ARPC1A: variants seen among roughly 807,000 people sequenced by gnomAD.
The protein encoded by ARPC1A is actin related protein 2/3 complex subunit 1A, also known as actin-related protein 2/3 complex subunit 1A.
In ARPC1A, 8 loss-of-function variants were observed where a neutral mutation model predicts 46.9. The observed-to-expected ratio is 0.17, with a 90% CI of 0.10 to 0.31. ARPC1A has a LOEUF of 0.31. Ranked by LOEUF, ARPC1A falls within the 10% of genes least tolerant of loss-of-function variation. The probability of loss-of-function intolerance (pLI) is 1.00; values close to 1 mark genes in which losing one functional copy is unlikely to be tolerated. For missense variants in ARPC1A, 286 were observed against 483.6 expected (o/e 0.59, Z 3.83); for synonymous variants, 152 against 169.0 (o/e 0.90, Z 0.78).
At chr7:99,362,890 G>A (rs1793769320) in intron 8 of ARPC1A, among the ~76,000 whole-genome samples, 3 of 152,010 alleles carry the variant, frequency 2.0e-5, no homozygotes, top group African/African-American at 7.2e-5. Flanking sequence ...TGGTGTGTCT[G>A]CTGCTAACAT....
At chr7:99,365,629 AAG>A (rs1554346307) in intron 9 of ARPC1A, among the ~76,000 whole-genome samples, 2 of 151,034 alleles carry the variant, frequency 1.3e-5, no homozygotes, top group African/African-American at 2.4e-5. Flanking sequence ...AAAAAAAAAA[AAG>A]AGGAGTGAGG....
intron 4 of ARPC1A, among the ~76,000 whole-genome samples, chr7:99,344,989 G>C (rs1433462729): frequency 7.8e-6 from 1 of 128,046 alleles, no homozygotes; most frequent in East Asian, 2.5e-4. Flanking sequence ...TGGATGGAGC[G>C]CAGTGACACG....
chr7:99,362,772 A>C (rs1793767860), intron 8 of ARPC1A, among the ~76,000 whole-genome samples: 1 of 152,108 alleles, frequency 6.6e-6, no homozygotes, highest in African/African-American at 2.4e-5. Context: ...AGGAGAAAGA[A>C]AAATATTGTC....
intron 3 of ARPC1A, among the ~76,000 whole-genome samples, chr7:99,339,519 C>T (rs958377875): frequency 1.3e-5 from 2 of 152,032 alleles, no homozygotes; most frequent in Non-Finnish European, 2.9e-5. Context: ...CAGCAAGACC[C>T]TCATCTCAAA....
intron 1 of ARPC1A, among the ~76,000 whole-genome samples, chr7:99,332,114 A>T (rs376762109): frequency 4.3e-4 from 66 of 152,074 alleles, no homozygotes; most frequent in African/African-American, 1.5e-3. Context: ...TTTATCCTTT[A>T]TTTCTTGTAA....
chr7:99,358,690 G>A (rs994015072), intron 7 of ARPC1A: 8 of 360,906 alleles, frequency 2.2e-5, no homozygotes, highest in African/African-American at 1.1e-4. Context: ...ATAGGCATGC[G>A]CCACCATACC....
At chr7:99,330,673 T>A (rs1341115497) in intron 1 of ARPC1A, among the ~76,000 whole-genome samples, 6 of 152,202 alleles carry the variant, frequency 3.9e-5, no homozygotes, top group Admixed American at 3.9e-4. Context: ...GATTTCTGCT[T>A]TGTCAGCTGA....
chr7:99,363,710 C>G, intron 9 of ARPC1A, 77 bp downstream of exon 9: 3 of 1,080,076 alleles, frequency 2.8e-6, no homozygotes, highest in Non-Finnish European at 3.9e-6. Context: ...GGCTCCTTCT[C>G]TGTCACCCAG....
rs532653820 is a variant in ARPC1A at position 99,349,613 on chromosome 7, C to T, written c.500+654C>T. Among the ~76,000 whole-genome samples the T allele has an allele frequency of 1.3e-4, 20 of 152,034 alleles. No individual in the cohort carries two copies. In the South Asian group the frequency reaches 1.9e-3, roughly 14 times the overall value. ...CAGCACTTTGGGAGGCTGAGGTGGGCGGATCACAAGGTCAGGAGATCGAGA... is the reference window on the plus strand; with the variant it reads ...CAGCACTTTGGGAGGCTGAGGTGGGTGGATCACAAGGTCAGGAGATCGAGA... On this transcript the variant is annotated intron_variant, in intron 5 of 9. Transcript: ENST00000262942.
chr7:99,349,098 T>C, intron 5 of ARPC1A, 139 bp downstream of exon 5: 1 of 783,032 alleles, frequency 1.3e-6, no homozygotes, highest in Non-Finnish European at 2.1e-6. Context: ...TCACCCAGGC[T>C]GGAGTGCAGT....
chr7:99,358,641 A>T (rs984377625), intron 7 of ARPC1A: 19 of 469,498 alleles, frequency 4.0e-5, no homozygotes, highest in African/African-American at 2.8e-4. Context: ...CCCGGGTTCA[A>T]GCGATTCTCC....
In ARPC1A at chr7:99,338,221, TAAG is replaced by T. The variant is rs1261071534; in HGVS notation, c.111_113del (p.Lys37del). ...CCAATAATCACGAAGTGCACATCTA[TAAG>T]AAGAACGGGAGCCAGTGGGTGAAAG... is the stretch of plus-strand genomic sequence containing the variant. On this transcript the variant is annotated inframe_deletion, in exon 3 of 10. Transcript: ENST00000262942. 6.2e-7 allele frequency: 1 copy of T among 1,613,460 alleles called. No individual in the cohort carries two copies. Among genetic ancestry groups the T allele is most frequent in the Non-Finnish European group, 8.5e-7 (1 of 1,179,688 alleles).
At position 99,343,000 on chromosome 7, in the gene ARPC1A, G is replaced by T. The variant is rs145125917; in HGVS notation, c.170-1293G>T. 5.7e-3 allele frequency among the ~76,000 whole-genome samples: 872 copies of T among 152,084 alleles called. 10 individuals carry two copies. The highest frequency in any genetic ancestry group is 0.02 in the African/African-American group (831 of 41,502). ...GCCTCCCAAAGAGCCACCGCGCCCGGCCTAACTCTTCAGTCACTATGACTT... is the reference window on the plus strand; with the variant it reads ...GCCTCCCAAAGAGCCACCGCGCCCGTCCTAACTCTTCAGTCACTATGACTT... On this transcript the variant is annotated intron_variant, in intron 3 of 9. Transcript: ENST00000262942.
At chr7:99,336,004 C>T (rs1417115267) in intron 2 of ARPC1A, among the ~76,000 whole-genome samples, 2 of 151,412 alleles carry the variant, frequency 1.3e-5, no homozygotes, top group African/African-American at 4.8e-5. Context: ...AAATGTATAA[C>T]CTAGCAGGAC....
intron 6 of ARPC1A, among the ~76,000 whole-genome samples, chr7:99,356,965 T>C (rs1455665974): frequency 6.6e-6 from 1 of 152,196 alleles, no homozygotes; most frequent in Non-Finnish European, 1.5e-5. Context: ...TCAGAAGATT[T>C]CCCTACATAA....
At chr7:99,331,031 G>A (rs368619662) in intron 1 of ARPC1A, among the ~76,000 whole-genome samples, 12 of 152,220 alleles carry the variant, frequency 7.9e-5, no homozygotes, top group East Asian at 3.9e-4. Flanking sequence ...TATCACAAAC[G>A]CCTACATACT....
chr7:99,338,450 A>G (rs1793296666), intron 3 of ARPC1A, among the ~76,000 whole-genome samples, 165 bp downstream of exon 3: 1 of 146,010 alleles, frequency 6.8e-6, no homozygotes, highest in Non-Finnish European at 1.5e-5. Context: ...CAATGGCGCA[A>G]TCTCGGCTCA....
At chr7:99,350,233 G>A (rs1793524972) in intron 5 of ARPC1A, among the ~76,000 whole-genome samples, 1 of 152,140 alleles carries the variant, frequency 6.6e-6, no homozygotes, top group South Asian at 2.1e-4. Context: ...TACTCTCTCT[G>A]TCTCTGTCTC....
In ARPC1A at chr7:99,355,401, A is replaced by T. The variant is rs187968210; in HGVS notation, c.713+1280A>T. On this transcript the variant is annotated intron_variant, in intron 6 of 9. Transcript: ENST00000262942. ...CTTCTTAATGGAAGTACTGATAATG[A>T]TTCCTTTCAAGAACCCTCCTGGTTG... Among the ~76,000 whole-genome samples, 280 of 152,250 alleles carry T rather than the reference A, an allele frequency of 1.8e-3. 1 individual carries two copies. Among genetic ancestry groups the T allele is most frequent in the African/African-American group, 6.4e-3 (265 of 41,548 alleles).
Sources: allele counts gnomAD v4.1 joint callset (sites outside exome capture counted in the v4.1 genomes callset), GRCh38; gene constraint gnomAD v4.1.1; transcripts MANE v1.5; gene names NCBI Gene and HGNC (gene_info 2026-07-23, HGNC 2026-07-21).